The following HEATR5B variants were observed in gnomAD, a reference collection of about 807,000 sequenced individuals.
HEATR5B encodes the protein HEAT repeat containing 5B.
Under a neutral mutation model 224.1 loss-of-function variants are expected in HEATR5B, and 156 were observed. That is an observed-to-expected ratio of 0.70 (90% CI 0.61 to 0.80). The LOEUF is 0.80. HEATR5B is among the 30% of genes least tolerant of loss of function. The probability of loss-of-function intolerance (pLI) is 0.00; values close to 1 mark genes in which losing one functional copy is unlikely to be tolerated. For missense variants in HEATR5B, 2,323 were observed against 2,535.5 expected, an observed-to-expected ratio of 0.92 and a Z score of 1.80; for synonymous variants, 1,027 against 893.0, an observed-to-expected ratio of 1.15 and a Z score of -2.68.
Position 37,028,879 on chromosome 2 carries a change from T to C in HEATR5B, c.3403A>G (p.Ile1135Val). Reference sequence around the variant, plus strand: ...TTAACACCTTGGTGCCGGCAATGGATATCAGTTCGAGAACTAACCCCAGGG... The same window carrying C: ...TTAACACCTTGGTGCCGGCAATGGACATCAGTTCGAGAACTAACCCCAGGG... ...FAPGVSSRTD[I>V]HCRHQGVNIT... is the part of the protein sequence containing the mutation. Residue 1135 changes from isoleucine to valine, a missense_variant, in exon 23 of 36, where the codon ATC (isoleucine) becomes GTC (valine). Physicochemically the swap from Ile to Val is conservative, Grantham distance 29. This residue lies in a region of HEATR5B where 339 missense variants were observed against 378.4 expected (regional missense o/e 0.90). Transcript: ENST00000233099. 1.9e-6 allele frequency: 3 copies of C among 1,613,982 alleles called. No homozygotes were observed. The highest frequency in any genetic ancestry group is 8.5e-7 in the Non-Finnish European group (1 of 1,179,854).
chr2:37,083,914 T>C (rs1396974588), intron 1 of HEATR5B, among the ~76,000 whole-genome samples: 2 of 152,182 alleles, frequency 1.3e-5, no homozygotes, highest in African/African-American at 4.8e-5. Flanking sequence ...ACTGCAGGTC[T>C]CCAAGACTCT....
intron 29 of HEATR5B, among the ~76,000 whole-genome samples, chr2:37,006,018 ATTAAG>A (rs1667393407): frequency 6.6e-6 from 1 of 152,212 alleles, no homozygotes; most frequent in Non-Finnish European, 1.5e-5. Flanking sequence ...TTATGAAGAT[ATTAAG>A]TTTTTATTTC....
chr2:37,059,412 G>C (rs1324013183), intron 12 of HEATR5B, among the ~76,000 whole-genome samples: 1 of 55,082 alleles, frequency 1.8e-5, no homozygotes, highest in Non-Finnish European at 3.3e-5. Flanking sequence ...GTATATGTGT[G>C]TGTGTGTGTG....
intron 16 of HEATR5B, among the ~76,000 whole-genome samples, chr2:37,053,924 T>C (rs1404918735): frequency 1.3e-5 from 2 of 151,822 alleles, no homozygotes; most frequent in African/African-American, 4.8e-5. Context: ...CTTGCAAAGA[T>C]AACAATCATT....
chr2:37,023,092 G>A (rs1012258503), intron 24 of HEATR5B, among the ~76,000 whole-genome samples: 8 of 150,962 alleles, frequency 5.3e-5, no homozygotes, highest in Non-Finnish European at 1.0e-4. Flanking sequence ...AGAAAAGCAC[G>A]AAAATAACTA....
intron 22 of HEATR5B, 85 bp downstream of exon 22, chr2:37,032,544 G>GA: frequency 6.0e-6 from 7 of 1,175,890 alleles, no homozygotes; most frequent in Non-Finnish European, 8.5e-6. Flanking sequence ...CATTGCAACA[G>GA]AAAAATGTTA....
At chr2:37,064,588 G>T (rs1671474994) in intron 10 of HEATR5B, 152 bp downstream of exon 10, 2 of 683,274 alleles carry the variant, frequency 2.9e-6, no homozygotes, top group South Asian at 2.0e-5. Flanking sequence ...ATTATAATAG[G>T]GTCTGTTAAC....
At chr2:36,995,431 T>C (rs1358914850) in intron 33 of HEATR5B, among the ~76,000 whole-genome samples, 1 of 152,172 alleles carries the variant, frequency 6.6e-6, no homozygotes, top group Non-Finnish European at 1.5e-5. Context: ...ATATGGCTTT[T>C]AATGTTTCTT....
intron 23 of HEATR5B, 65 bp downstream of exon 23, chr2:37,028,616 T>A: frequency 8.1e-7 from 1 of 1,232,528 alleles, no homozygotes; most frequent in Non-Finnish European, 1.2e-6. Context: ...TATACATATA[T>A]CTATATGTAT....
chr2:37,051,912 G>A (rs898187916), intron 17 of HEATR5B, among the ~76,000 whole-genome samples: 2 of 151,866 alleles, frequency 1.3e-5, no homozygotes, highest in Non-Finnish European at 2.9e-5. Flanking sequence ...GCTAATTTTT[G>A]TATTTTTAGT....
intron 23 of HEATR5B, 58 bp downstream of exon 23, chr2:37,028,623 G>A: frequency 7.2e-7 from 1 of 1,391,694 alleles, no homozygotes; most frequent in Non-Finnish European, 1.0e-6. Context: ...ATATCTATAT[G>A]TATATATCAG....
At chr2:37,079,674 C>A (rs1429119964) in intron 2 of HEATR5B, among the ~76,000 whole-genome samples, 1 of 151,954 alleles carries the variant, frequency 6.6e-6, no homozygotes, top group Non-Finnish European at 1.5e-5. Flanking sequence ...TCTTACAACC[C>A]AGATAGGTTT....
At chr2:37,066,950 A>G (rs1438703817) in intron 8 of HEATR5B, among the ~76,000 whole-genome samples, 1 of 151,878 alleles carries the variant, frequency 6.6e-6, no homozygotes, top group African/African-American at 2.4e-5. Flanking sequence ...GCTGACTACA[A>G]CCTCTGCCTC....
chr2:37,012,052 T>C (rs759848035), intron 27 of HEATR5B, among the ~76,000 whole-genome samples: 4 of 152,210 alleles, frequency 2.6e-5, no homozygotes, highest in Admixed American at 6.5e-5. Flanking sequence ...CTTATTTTTC[T>C]TATAGATATT....
intron 20 of HEATR5B, among the ~76,000 whole-genome samples, chr2:37,039,807 T>C (rs1406092074): frequency 6.6e-6 from 1 of 152,222 alleles, no homozygotes; most frequent in Non-Finnish European, 1.5e-5. Flanking sequence ...GGCTTTAGGA[T>C]CATAAATGTG....
At chr2:37,035,990 G>T (rs1398815909) in intron 21 of HEATR5B, among the ~76,000 whole-genome samples, 1 of 152,002 alleles carries the variant, frequency 6.6e-6, no homozygotes, top group African/African-American at 2.4e-5. Flanking sequence ...CTCCAACTAT[G>T]CCCCACTAAG....
chr2:36,982,540 C>T (rs529280347), intron 35 of HEATR5B, among the ~76,000 whole-genome samples: 9 of 152,120 alleles, frequency 5.9e-5, no homozygotes, highest in African/African-American at 2.2e-4. Flanking sequence ...GAGAATTACG[C>T]GTTCTCCCCC....
chr2:37,047,081 C>T (rs1172005518), intron 18 of HEATR5B, among the ~76,000 whole-genome samples: 1 of 149,596 alleles, frequency 6.7e-6, no homozygotes, highest in Admixed American at 6.7e-5. Context: ...TGGTGTCTCC[C>T]TCCTGTAATC....
intron 21 of HEATR5B, among the ~76,000 whole-genome samples, chr2:37,034,609 T>C (rs1572855345): frequency 1.3e-5 from 1 of 79,502 alleles, no homozygotes; most frequent in Admixed American, 1.7e-4. Context: ...CGAGACTCTG[T>C]CTCAAAAAAA....
Sources: allele counts gnomAD v4.1 joint callset (sites outside exome capture counted in the v4.1 genomes callset), GRCh38; gene constraint gnomAD v4.1.1; regional missense constraint gnomAD v4.1.1; transcripts MANE v1.5; gene names NCBI Gene and HGNC (gene_info 2026-07-23, HGNC 2026-07-21).